Variants in ADGRB3 observed in about 807,000 individuals in gnomAD.
The protein encoded by ADGRB3 is adhesion G protein-coupled receptor B3, also known as brain-specific angiogenesis inhibitor 3.
In ADGRB3, 37 loss-of-function variants were observed where a neutral mutation model predicts 193.4. The ratio of observed to expected loss-of-function variants is 0.19; its 90% CI spans 0.15 to 0.25. The LOEUF (loss-of-function observed/expected upper bound fraction) is 0.25, where lower values mean the gene tolerates loss of function less well. Ranked by LOEUF, ADGRB3 falls within the 10% of genes least tolerant of loss-of-function variation. ADGRB3 has a pLI of 1.00. For synonymous variants in ADGRB3, 690 were observed against 644.2 expected, an observed-to-expected ratio of 1.07 and a Z score of -1.08; for missense variants, 1,637 against 1,852.9, an observed-to-expected ratio of 0.88 and a Z score of 2.14.
intron 17 of ADGRB3, among the ~76,000 whole-genome samples, chr6:69,130,563 C>T (rs1773979556): frequency 6.7e-6 from 1 of 149,846 alleles, no homozygotes; most frequent in Non-Finnish European, 1.5e-5. Flanking sequence ...TTAGTCAATT[C>T]AAAATAGAAA....
chr6:68,948,061 G>A (rs944124185), intron 6 of ADGRB3, among the ~76,000 whole-genome samples: 3 of 152,138 alleles, frequency 2.0e-5, no homozygotes, highest in Non-Finnish European at 2.9e-5. Flanking sequence ...TGTTCGGAAG[G>A]TGTGACAATT....
chr6:68,670,259 A>G lies in ADGRB3; in HGVS notation c.757+30827A>G, dbSNP rs1768912022. ...ATTGATTGTATCCTTTGATGTGCAG[A>G]AGCTTTTTCAACTGGATGTGAGCCC... On this transcript the variant is annotated intron_variant, in intron 3 of 31. Coordinates refer to ENST00000370598, the MANE Select transcript of ADGRB3 (RefSeq NM_001704.3). 2.6e-5 allele frequency among the ~76,000 whole-genome samples: 4 copies of G among 152,096 alleles called. No homozygotes were observed. The South Asian group carries it at 8.3e-4, about 32-fold the overall frequency.
At chr6:68,809,240 GT>G (rs1312900983) in intron 3 of ADGRB3, among the ~76,000 whole-genome samples, 4 of 152,132 alleles carry the variant, frequency 2.6e-5, no homozygotes, top group Non-Finnish European at 4.4e-5. Flanking sequence ...AGGTGCATTT[GT>G]TTTTCTTACA....
chr6:68,741,699 C>T (rs1321359640), intron 3 of ADGRB3, among the ~76,000 whole-genome samples: 1 of 152,162 alleles, frequency 6.6e-6, no homozygotes, highest in Non-Finnish European at 1.5e-5. Flanking sequence ...GCCTTCTTAA[C>T]CACTGTTTGT....
intron 1 of ADGRB3, among the ~76,000 whole-genome samples, chr6:68,637,068 A>G (rs1305822760): frequency 6.6e-6 from 1 of 151,748 alleles, no homozygotes; most frequent in Non-Finnish European, 1.5e-5. Context: ...AAGAAAATGC[A>G]TTATTCATTG....
chr6:69,317,135 A>G (rs1179192929), intron 20 of ADGRB3, among the ~76,000 whole-genome samples: 1 of 151,514 alleles, frequency 6.6e-6, no homozygotes, highest in African/African-American at 2.4e-5. Flanking sequence ...TTATTATAAT[A>G]TTTATTGTGG....
chr6:69,072,363 T>C (rs1441013354), intron 16 of ADGRB3, among the ~76,000 whole-genome samples: 4 of 152,124 alleles, frequency 2.6e-5, no homozygotes, highest in Non-Finnish European at 4.4e-5. Flanking sequence ...ATCTAAGAAG[T>C]AAGGGGTGAA....
intron 3 of ADGRB3, among the ~76,000 whole-genome samples, chr6:68,725,183 G>A (rs74974174): frequency 0.017 from 2,513 of 151,728 alleles, 40 homozygotes; most frequent in Middle Eastern, 0.034. Flanking sequence ...TCATCCCCTG[G>A]TTTGTTGGAG....
At chr6:68,657,203 A>T (rs1295948552) in intron 3 of ADGRB3, among the ~76,000 whole-genome samples, 1 of 151,418 alleles carries the variant, frequency 6.6e-6, no homozygotes, top group Non-Finnish European at 1.5e-5. Flanking sequence ...ATTAAAGGAA[A>T]ATGAGTACAA....
At chr6:69,326,961 C>T (rs568991785) in intron 21 of ADGRB3, among the ~76,000 whole-genome samples, 7 of 152,100 alleles carry the variant, frequency 4.6e-5, no homozygotes, top group African/African-American at 1.7e-4. Flanking sequence ...TAGTTCTTGT[C>T]ATTAAATCTC....
intron 13 of ADGRB3, among the ~76,000 whole-genome samples, chr6:69,040,691 A>AAAAAAAAAAAAAAAAG (rs1771033502): frequency 6.9e-6 from 1 of 144,168 alleles, no homozygotes; most frequent in Non-Finnish European, 1.5e-5. Flanking sequence ...AAAAAAAAAA[A>AAAAAAAAAAAAAAAAG]AAAAAAAAAA....
chr6:68,643,566 G>A (rs933807099), intron 3 of ADGRB3, among the ~76,000 whole-genome samples: 1 of 148,368 alleles, frequency 6.7e-6, no homozygotes, highest in Non-Finnish European at 1.5e-5. Context: ...TCCCTGTGCT[G>A]GATCCCACAG....
At chr6:69,296,100 A>G (rs77675778) in intron 20 of ADGRB3, among the ~76,000 whole-genome samples, 2,189 of 152,268 alleles carry the variant, frequency 0.014, 26 homozygotes, top group South Asian at 0.03. Context: ...TTTAAACTAA[A>G]CAATAAATTG....
intron 3 of ADGRB3, among the ~76,000 whole-genome samples, chr6:68,735,626 G>A (rs1765856069): frequency 2.0e-5 from 3 of 151,988 alleles, no homozygotes; most frequent in African/African-American, 4.8e-5. Context: ...TAAGTTTTGA[G>A]GTTATAATGA....
chr6:68,861,140 CA>C (rs1352974563), intron 3 of ADGRB3, among the ~76,000 whole-genome samples: 3 of 152,302 alleles, frequency 2.0e-5, no homozygotes, highest in African/African-American at 4.8e-5. Flanking sequence ...TTTTGCAAAA[CA>C]AAACACAGCA....
At chr6:68,845,323 T>G (rs1269682591) in intron 3 of ADGRB3, among the ~76,000 whole-genome samples, 1 of 152,118 alleles carries the variant, frequency 6.6e-6, no homozygotes, top group Non-Finnish European at 1.5e-5. Flanking sequence ...ATTGGAGTGA[T>G]GCATCTATAA....
At chr6:69,214,151 G>A (rs954273203) in intron 17 of ADGRB3, among the ~76,000 whole-genome samples, 1 of 152,156 alleles carries the variant, frequency 6.6e-6, no homozygotes, top group African/African-American at 2.4e-5. Context: ...TAGAGGAGAG[G>A]AACAAACAGC....
chr6:68,774,576 G>A (rs1328076456), intron 3 of ADGRB3, among the ~76,000 whole-genome samples: 1 of 151,590 alleles, frequency 6.6e-6, no homozygotes, highest in Non-Finnish European at 1.5e-5. Context: ...AACCTATTAT[G>A]GATAGTAGGT....
intron 3 of ADGRB3, among the ~76,000 whole-genome samples, chr6:68,753,054 A>G (rs1175718898): frequency 6.6e-6 from 1 of 152,176 alleles, no homozygotes; most frequent in Non-Finnish European, 1.5e-5. Context: ...GAGCCTGAAT[A>G]TAGGACACCA....
Sources: allele counts gnomAD v4.1 joint callset (sites outside exome capture counted in the v4.1 genomes callset), GRCh38; gene constraint gnomAD v4.1.1; transcripts MANE v1.5; gene names NCBI Gene and HGNC (gene_info 2026-07-23, HGNC 2026-07-21).